Variants in B4GALNT2 observed in about 807,000 individuals in gnomAD.
B4GALNT2 encodes the protein N-acetylneuraminylgalactosylglucosyl-glucoside beta-1,4-N- acetylgalactosaminyltransferase 2.
B4GALNT2 carries 42 observed loss-of-function variants against 51.1 expected under a neutral mutation model. The ratio of observed to expected loss-of-function variants is 0.82; its 90% CI spans 0.64 to 1.06. B4GALNT2 has a LOEUF of 1.06. B4GALNT2 is among the 50% of genes least tolerant of loss of function. B4GALNT2 has a pLI of 0.00. For synonymous variants in B4GALNT2, 253 were observed against 251.7 expected, an observed-to-expected ratio of 1.01 and a Z score of -0.05; for missense variants, 602 against 633.6, an observed-to-expected ratio of 0.95 and a Z score of 0.54.
intron 7 of B4GALNT2, among the ~76,000 whole-genome samples, chr17:49,163,543 G>A (rs2042882864): frequency 1.3e-5 from 2 of 152,070 alleles, no homozygotes; most frequent in African/African-American, 4.8e-5. Flanking sequence ...ATCACCTGAG[G>A]TCAGGAGTTT....
At position 49,169,586 on chromosome 17, in the gene B4GALNT2, A is replaced by G. The variant is rs776605530; in HGVS notation, c.1379A>G (p.His460Arg). Residue 460 changes from histidine to arginine, a missense_variant, in exon 11 of 11, where the codon CAC (histidine) becomes CGC (arginine). His to Arg is a conservative substitution (Grantham distance 29). Coordinates refer to ENST00000393354, the MANE Select transcript of B4GALNT2 (RefSeq NM_001159387.2). ...TCATGCCCAGAAGTGATTATAGGTCACCAGTCTCGGTCTCCAGTGGTGGAC... is the reference window on the plus strand; with the variant it reads ...TCATGCCCAGAAGTGATTATAGGTCGCCAGTCTCGGTCTCCAGTGGTGGAC... ...VGSCPEVIIGHQSRSPVVDSE... is the reference protein window; with the variant it reads ...VGSCPEVIIGRQSRSPVVDSE... 3.1e-6 allele frequency: 5 copies of G among 1,612,904 alleles called. No individual in the cohort carries two copies. In the African/African-American group the frequency reaches 6.7e-5, roughly 22 times the overall value.
At chr17:49,132,437 C>G (rs2042547389), upstream of B4GALNT2, 1 of 276,042 alleles carries the variant, frequency 3.6e-6, no homozygotes. Flanking sequence ...TTAGGGACCC[C>G]CAGCATGAGC....
chr17:49,133,805 T>C (rs567562442), intron 1 of B4GALNT2, among the ~76,000 whole-genome samples: 4 of 151,818 alleles, frequency 2.6e-5, no homozygotes, highest in Admixed American at 6.6e-5. Context: ...CCCAGCTACT[T>C]GGGAGGCCGA....
chr17:49,128,125 C>T (rs11654525), upstream of B4GALNT2, among the ~76,000 whole-genome samples: 8,660 of 152,032 alleles, frequency 0.057, 300 homozygotes, highest in East Asian at 0.089. Flanking sequence ...GGGTTATGTG[C>T]GGGAATTCCC....
At chr17:49,130,990 G>A (rs963890479), upstream of B4GALNT2, among the ~76,000 whole-genome samples, 7 of 152,184 alleles carry the variant, frequency 4.6e-5, no homozygotes, top group Admixed American at 6.5e-5. Flanking sequence ...GATACAGGGG[G>A]TTTGAGGGAG....
intron 1 of B4GALNT2, chr17:49,133,079 C>T (rs573441791): frequency 2.0e-6 from 3 of 1,509,084 alleles, no homozygotes; most frequent in South Asian, 2.6e-5. Flanking sequence ...TGGCCTCTCG[C>T]GGCCGGGAAT....
chr17:49,137,266 A>G (rs967485443), intron 1 of B4GALNT2, among the ~76,000 whole-genome samples: 2 of 152,184 alleles, frequency 1.3e-5, no homozygotes, highest in Admixed American at 6.5e-5. Context: ...CCCCAATTAG[A>G]CAATGTTAAG....
At chr17:49,120,922 C>T in the B4GALNT2 span, among the ~76,000 whole-genome samples, 1 of 152,232 alleles carries the variant, frequency 6.6e-6, no homozygotes, top group Middle Eastern at 3.4e-3. Flanking sequence ...ATTGAGGACC[C>T]AACTCCACAC....
chr17:49,149,595 C>T (rs533214353), intron 3 of B4GALNT2, among the ~76,000 whole-genome samples: 4 of 151,748 alleles, frequency 2.6e-5, no homozygotes, highest in East Asian at 1.9e-4. Context: ...TGCAGTGAGC[C>T]GAGATCACAC....
At chr17:49,148,590 T>C in intron 3 of B4GALNT2, 1 of 462,126 alleles carries the variant, frequency 2.2e-6, no homozygotes, top group Non-Finnish European at 4.2e-6. Context: ...GATACCCTTG[T>C]TGGTAAGGTA....
In B4GALNT2 at chr17:49,168,812, C is replaced by G. The variant is rs140865105; in HGVS notation, c.1227C>G (p.Thr409=). The G allele has an allele frequency of 4.1e-5, 66 of 1,613,940 alleles. No homozygotes were observed. The highest frequency in any genetic ancestry group is 6.7e-5 in the African/African-American group (5 of 75,006). ...ATGGCTTCCCCAGCTGCGTGGTGAC[C>G]AGTGGCGTGGTCAACTTCTTCCTGG... The part of the protein sequence containing the change: ...PLDGFPSCVV[T]SGVVNFFLAH... Residue 409 remains threonine (T), a synonymous_variant, in exon 10 of 11, where the codon ACC becomes ACG. Transcript: ENST00000393354.
In B4GALNT2 at chr17:49,166,260, G is replaced by T. The variant is rs16970025; in HGVS notation, c.1095+6G>T. On this transcript the variant is annotated splice_donor_region_variant and intron_variant, in intron 9 of 10. Transcript: ENST00000393354. ...AGAAAACAGAACTGGACGTGGTAAG[G>T]GACAGTTGCCAGTTTCACCCAGCCA... The T allele has an allele frequency of 0.29, 464,753 of 1,611,828 alleles. 68,001 individuals are homozygous for T. Among genetic ancestry groups the T allele is most frequent in the Middle Eastern group, 0.34 (1,987 of 5,854 alleles).
chr17:49,158,085 C>T (rs942709423), intron 5 of B4GALNT2, among the ~76,000 whole-genome samples: 4 of 152,118 alleles, frequency 2.6e-5, no homozygotes, highest in African/African-American at 9.7e-5. Flanking sequence ...GCTGAGAGGA[C>T]TTGCCGCCAG....
In B4GALNT2 at chr17:49,160,643, T is replaced by C. The variant is rs1226014728; in HGVS notation, c.766+2T>C. On this transcript the variant is annotated splice_donor_variant, in intron 7 of 10. Transcript: ENST00000393354. LOFTEE classifies it high-confidence loss of function. ...CCAAGCTATACGACCCTGGACCAGG[T>C]AAGGCCCTTGTCCTTGGGGCTCCGT... 1.2e-6 allele frequency: 2 copies of C among 1,613,346 alleles called. No homozygotes were observed. The highest frequency in any genetic ancestry group is 2.2e-5 in the East Asian group (1 of 44,880).
At chr17:49,132,695 G>A (rs2042550279), upstream of B4GALNT2, 6 of 1,344,632 alleles carry the variant, frequency 4.5e-6, no homozygotes, top group South Asian at 1.2e-4. Context: ...TGCCCTACTC[G>A]CCGAGAATTT....
At chr17:49,141,976 C>T in intron 2 of B4GALNT2, 59 bp from the exon 3 acceptor site, 1 of 1,599,968 alleles carries the variant, frequency 6.3e-7, no homozygotes, top group Non-Finnish European at 8.6e-7. Flanking sequence ...ACTCCGGTTT[C>T]CTCTCACCCA....
At chr17:49,156,491 G>T in intron 4 of B4GALNT2, 75 bp from the exon 5 acceptor site, 1 of 1,511,112 alleles carries the variant, frequency 6.6e-7, no homozygotes, top group South Asian at 1.2e-5. Context: ...AGGAGTCCAT[G>T]AGGTTGGCGA....
intron 6 of B4GALNT2, among the ~76,000 whole-genome samples, chr17:49,160,145 GAGAT>G (rs1295008370): frequency 6.6e-6 from 1 of 152,158 alleles, no homozygotes; most frequent in Non-Finnish European, 1.5e-5. Flanking sequence ...ACTAGCTAAA[GAGAT>G]AGTTCTCCCT....
intron 1 of B4GALNT2, among the ~76,000 whole-genome samples, chr17:49,137,288 TA>T (rs1293624713): frequency 2.0e-5 from 3 of 152,164 alleles, no homozygotes; most frequent in Non-Finnish European, 4.4e-5. Context: ...AATGGGGCCT[TA>T]TAAGAGGTGA....
Sources: allele counts gnomAD v4.1 joint callset (sites outside exome capture counted in the v4.1 genomes callset), GRCh38; gene constraint gnomAD v4.1.1; transcripts MANE v1.5; gene names NCBI Gene and HGNC (gene_info 2026-07-23, HGNC 2026-07-21).